ARFIP1: variants seen among roughly 807,000 people sequenced by gnomAD.
ARFIP1 encodes the protein arfaptin-1.
A neutral mutation model predicts 42.5 loss-of-function variants in ARFIP1; 24 were observed. The observed-to-expected ratio is 0.57, with a 90% CI of 0.41 to 0.80. The LOEUF (loss-of-function observed/expected upper bound fraction) is 0.80, where lower values mean the gene tolerates loss of function less well. Among genes scored for constraint, ARFIP1 ranks in the 30% least tolerant of loss-of-function variants. ARFIP1 has a pLI of 0.00. For synonymous variants in ARFIP1, 141 were observed against 153.7 expected, an observed-to-expected ratio of 0.92 and a Z score of 0.61; for missense variants, 354 against 434.0, an observed-to-expected ratio of 0.82 and a Z score of 1.64.
intron 8 of ARFIP1, among the ~76,000 whole-genome samples, chr4:152,903,118 C>CA (rs1294147730): frequency 1.6e-4 from 24 of 152,196 alleles, no homozygotes; most frequent in African/African-American, 5.1e-4. Flanking sequence ...TGTAGCATAT[C>CA]AGGCAGAATG....
chr4:152,893,987 G>A (rs1317408771), intron 8 of ARFIP1, among the ~76,000 whole-genome samples: 1 of 151,898 alleles, frequency 6.6e-6, no homozygotes, highest in African/African-American at 2.4e-5. Flanking sequence ...GGAGGCCGAG[G>A]TGGACGGATC....
chr4:152,795,162 T>G (rs1259038819), intron 1 of ARFIP1, among the ~76,000 whole-genome samples: 2 of 151,748 alleles, frequency 1.3e-5, no homozygotes, highest in South Asian at 2.1e-4. Context: ...CTTCCGGTGT[T>G]TTTGTTTGTT....
intron 1 of ARFIP1, among the ~76,000 whole-genome samples, chr4:152,794,486 T>C (rs1477911034): frequency 1.3e-5 from 2 of 152,180 alleles, no homozygotes; most frequent in Admixed American, 6.5e-5. Context: ...GTTTATGATA[T>C]ATGTCTTACT....
intron 8 of ARFIP1, among the ~76,000 whole-genome samples, chr4:152,907,766 CTCTA>C (rs1182721631): frequency 7.2e-5 from 11 of 152,156 alleles, no homozygotes; most frequent in Non-Finnish European, 1.0e-4. Flanking sequence ...TGAGAGACCA[CTCTA>C]TCTGTTCTCC....
intron 5 of ARFIP1, among the ~76,000 whole-genome samples, chr4:152,877,959 C>G (rs115405251): frequency 0.019 from 2,889 of 152,284 alleles, 42 homozygotes; most frequent in Admixed American, 0.037. Flanking sequence ...TATTCCCAGT[C>G]TCAGGTATGT....
chr4:152,866,064 GATGACTCTTA>G (rs1179457486), intron 3 of ARFIP1, among the ~76,000 whole-genome samples: 1 of 151,912 alleles, frequency 6.6e-6, no homozygotes, highest in Admixed American at 6.6e-5. Context: ...AGGGAGTGGT[GATGACTCTTA>G]ACGAGCATGT....
intron 8 of ARFIP1, among the ~76,000 whole-genome samples, chr4:152,891,437 A>G (rs983170891): frequency 9.9e-5 from 15 of 152,240 alleles, no homozygotes; most frequent in Non-Finnish European, 1.8e-4. Flanking sequence ...AGAAGAAGAC[A>G]GAGATCCATG....
chr4:152,879,773 C>T (rs938982590), intron 5 of ARFIP1, among the ~76,000 whole-genome samples: 8 of 152,142 alleles, frequency 5.3e-5, no homozygotes, highest in Admixed American at 3.3e-4. Flanking sequence ...CGCTTGAACC[C>T]GGGAGGTGGA....
At chr4:152,881,273 C>A in intron 6 of ARFIP1, 89 bp downstream of exon 6, 2 of 1,019,292 alleles carry the variant, frequency 2.0e-6, no homozygotes, top group Non-Finnish European at 1.4e-6. Flanking sequence ...ATTTGCTGAA[C>A]TCTTAATGAA....
intron 1 of ARFIP1, among the ~76,000 whole-genome samples, chr4:152,799,483 A>G (rs1731671453): frequency 6.6e-6 from 1 of 152,356 alleles, no homozygotes; most frequent in South Asian, 2.1e-4. Flanking sequence ...ATTCAGTGTG[A>G]TAAGTTTTAA....
At chr4:152,840,649 G>A (rs1196918491) in intron 2 of ARFIP1, among the ~76,000 whole-genome samples, 2 of 151,160 alleles carry the variant, frequency 1.3e-5, no homozygotes, top group East Asian at 1.9e-4. Flanking sequence ...TATGTGTTAG[G>A]TGAGTCTCCT....
At chr4:152,874,262 T>A (rs919025654) in intron 5 of ARFIP1, among the ~76,000 whole-genome samples, 3 of 152,232 alleles carry the variant, frequency 2.0e-5, no homozygotes, top group Non-Finnish European at 4.4e-5. Context: ...AAAATTTGTG[T>A]TAATGAAAAT....
At chr4:152,871,573 A>G (rs1189735947) in intron 4 of ARFIP1, among the ~76,000 whole-genome samples, 1 of 95,294 alleles carries the variant, frequency 1.0e-5, no homozygotes, top group Admixed American at 1.2e-4. Context: ...GTCTGATTAT[A>G]GGAATAAGTG....
At chr4:152,815,684 G>A (rs1368668988) in intron 1 of ARFIP1, among the ~76,000 whole-genome samples, 1 of 148,294 alleles carries the variant, frequency 6.7e-6, no homozygotes, top group Non-Finnish European at 1.5e-5. Flanking sequence ...ACATCTGTCT[G>A]TAAGGAATTC....
At chr4:152,808,695 A>G (rs1729207057) in intron 1 of ARFIP1, among the ~76,000 whole-genome samples, 1 of 152,016 alleles carries the variant, frequency 6.6e-6, no homozygotes. Context: ...GTATAATGGT[A>G]TCTGGTGGTT....
At position 152,911,213 on chromosome 4, in the gene ARFIP1, A is replaced by C. The variant is rs11929781; in HGVS notation, c.*994A>C. ...CTGTTGGATAATGTTTGATGTGTCT[A>C]TTCCTTCCATGGAATGGAGCACTAT... On this transcript the variant is annotated 3_prime_UTR_variant, in exon 9 of 9. Transcript: ENST00000353617. 2.0e-5 allele frequency: 3 copies of C among 152,686 alleles called. No individual in the cohort carries two copies. The highest frequency in any genetic ancestry group is 7.2e-5 in the African/African-American group (3 of 41,470). The allele number at this position is 152,686 out of a possible 1,614,324, so 9.5% of individuals were successfully genotyped here. A position where few individuals can be genotyped will look rare whatever the true frequency, so the allele number is the denominator to read the frequency against.
intron 2 of ARFIP1, among the ~76,000 whole-genome samples, chr4:152,862,255 G>GTTCCATA (rs1267956129): frequency 1.4e-4 from 22 of 151,930 alleles, no homozygotes; most frequent in Admixed American, 1.4e-3. Flanking sequence ...TCCCTCCAGC[G>GTTCCATA]TTCCATATCA....
intron 2 of ARFIP1, among the ~76,000 whole-genome samples, chr4:152,858,561 A>G (rs959500829): frequency 1.3e-5 from 2 of 152,186 alleles, no homozygotes; most frequent in African/African-American, 4.8e-5. Context: ...TTCAAAATAA[A>G]CCCGTTATTA....
chr4:152,840,390 T>C (rs767160432), intron 2 of ARFIP1, among the ~76,000 whole-genome samples: 5 of 152,256 alleles, frequency 3.3e-5, no homozygotes, highest in Non-Finnish European at 7.3e-5. Context: ...CTATCTCATT[T>C]CTTAGGTCTA....
Sources: allele counts gnomAD v4.1 joint callset (sites outside exome capture counted in the v4.1 genomes callset), GRCh38; gene constraint gnomAD v4.1.1; transcripts MANE v1.5; gene names NCBI Gene and HGNC (gene_info 2026-07-23, HGNC 2026-07-21).